Variants in CCDC178 observed in about 807,000 individuals in gnomAD.
CCDC178 encodes coiled-coil domain-containing protein 178.
In CCDC178, 126 loss-of-function variants were observed where a neutral mutation model predicts 117.4. The observed-to-expected ratio is 1.07, with a 90% confidence interval of 0.93 to 1.24. CCDC178 has a LOEUF of 1.24. Among genes scored for constraint, CCDC178 ranks in the 50% most tolerant of loss-of-function variants. The probability of loss-of-function intolerance (pLI) is 0.00; values close to 1 mark genes in which losing one functional copy is unlikely to be tolerated. For missense variants in CCDC178, 1,030 were observed against 986.9 expected (o/e 1.04, Z -0.59); for synonymous variants, 283 against 313.4 (o/e 0.90, Z 1.02).
At chr18:33,357,201 T>TA (rs1312844164) in intron 6 of CCDC178, among the ~76,000 whole-genome samples, 1 of 152,032 alleles carries the variant, frequency 6.6e-6, no homozygotes, top group Non-Finnish European at 1.5e-5. Flanking sequence ...CTAAAATGTA[T>TA]AAAATCAAGC....
At position 33,024,736 on chromosome 18, in the gene CCDC178, C is replaced by T. The variant is rs565176137; in HGVS notation, c.2389-50055G>A. ...TCGGCTCACTGCAAGCTCCACCTCC[C>T]GGGTTCACGCCATTCTCCTACCTCA... On this transcript the variant is annotated intron_variant, in intron 21 of 22. Coordinates refer to ENST00000383096, the MANE Select transcript of CCDC178 (RefSeq NM_001105528.4). 2.7e-4 allele frequency among the ~76,000 whole-genome samples: 41 copies of T among 151,880 alleles called. 1 individual carries two copies. In the East Asian group the frequency reaches 6.8e-3, roughly 25 times the overall value.
At chr18:33,117,226 G>A (rs771321889) in intron 20 of CCDC178, among the ~76,000 whole-genome samples, 6 of 152,120 alleles carry the variant, frequency 3.9e-5, no homozygotes, top group Non-Finnish European at 8.8e-5. Flanking sequence ...TAGAAATCAA[G>A]TGGGTAAGAT....
chr18:33,070,409 G>A (rs148087007), intron 21 of CCDC178, among the ~76,000 whole-genome samples: 2 of 152,168 alleles, frequency 1.3e-5, no homozygotes, highest in East Asian at 1.9e-4. Context: ...AATGAAATAA[G>A]CCAGGGATAA....
intron 21 of CCDC178, among the ~76,000 whole-genome samples, chr18:33,011,800 A>AAAAAAAAAAAAAAAAAAAAAAAC (rs2055876100): frequency 7.1e-6 from 1 of 139,866 alleles, no homozygotes; most frequent in Non-Finnish European, 1.5e-5. Flanking sequence ...AAAAAAAAAA[A>AAAAAAAAAAAAAAAAAAAAAAAC]AAAAAAAAGG....
At chr18:33,097,416 C>T (rs1437598144) in intron 20 of CCDC178, among the ~76,000 whole-genome samples, 2 of 152,132 alleles carry the variant, frequency 1.3e-5, no homozygotes, top group Non-Finnish European at 2.9e-5. Flanking sequence ...CAGAGACATG[C>T]CATCCCCGCT....
intron 9 of CCDC178, among the ~76,000 whole-genome samples, chr18:33,335,205 T>C (rs12960895): frequency 3.3e-5 from 5 of 152,194 alleles, no homozygotes; most frequent in South Asian, 4.1e-4. Flanking sequence ...TCTAAACTCA[T>C]ACACTTTGAT....
At chr18:33,207,117 A>G (rs916077022) in intron 20 of CCDC178, among the ~76,000 whole-genome samples, 2 of 152,112 alleles carry the variant, frequency 1.3e-5, no homozygotes, top group Non-Finnish European at 2.9e-5. Context: ...AAAATCTCAG[A>G]CCCTTCACAT....
At chr18:33,310,520 G>A (rs9947067) in intron 11 of CCDC178, among the ~76,000 whole-genome samples, 5 of 151,636 alleles carry the variant, frequency 3.3e-5, no homozygotes, top group African/African-American at 1.2e-4. Context: ...AAACCCCATC[G>A]CTACAAGAAA....
intron 12 of CCDC178, among the ~76,000 whole-genome samples, chr18:33,268,080 T>C (rs1489177667): frequency 6.6e-6 from 1 of 151,794 alleles, no homozygotes; most frequent in Non-Finnish European, 1.5e-5. Context: ...TAGACTATAA[T>C]GTGTGTTCTC....
chr18:33,076,626 T>C (rs139962268), intron 21 of CCDC178, among the ~76,000 whole-genome samples: 1 of 152,358 alleles, frequency 6.6e-6, no homozygotes, highest in African/African-American at 2.4e-5. Flanking sequence ...ATATTCTCTA[T>C]AATATTCTTT....
intron 4 of CCDC178, among the ~76,000 whole-genome samples, chr18:33,392,994 C>T (rs2063582245): frequency 6.6e-6 from 1 of 152,138 alleles, no homozygotes; most frequent in African/African-American, 2.4e-5. Context: ...GCCATTCTTG[C>T]CCCCATGGTA....
intron 21 of CCDC178, among the ~76,000 whole-genome samples, chr18:33,022,376 A>G (rs1351541424): frequency 3.3e-5 from 5 of 152,214 alleles, no homozygotes; most frequent in Non-Finnish European, 5.9e-5. Context: ...AGTTTTCTAA[A>G]TTATATTTGG....
intron 20 of CCDC178, among the ~76,000 whole-genome samples, chr18:33,121,820 T>C (rs554441059): frequency 2.0e-5 from 3 of 152,236 alleles, no homozygotes; most frequent in Admixed American, 2.0e-4. Context: ...TGTAATGATG[T>C]TTAGGTCAAT....
chr18:33,154,047 T>C (rs1298850400), intron 20 of CCDC178, among the ~76,000 whole-genome samples: 1 of 152,144 alleles, frequency 6.6e-6, no homozygotes, highest in Non-Finnish European at 1.5e-5. Flanking sequence ...TGTAATTTCA[T>C]AGAAAAACCT....
chr18:33,297,278 AG>A (rs1472686454), intron 11 of CCDC178, among the ~76,000 whole-genome samples: 1 of 152,116 alleles, frequency 6.6e-6, no homozygotes. Flanking sequence ...GCAAGGACCT[AG>A]AAAAGCAAGA....
chr18:33,063,659 C>T (rs1265741631), intron 21 of CCDC178, among the ~76,000 whole-genome samples: 1 of 152,136 alleles, frequency 6.6e-6, no homozygotes, highest in African/African-American at 2.4e-5. Context: ...ACCTTCTTGA[C>T]CCTTTGCTGC....
intron 20 of CCDC178, among the ~76,000 whole-genome samples, chr18:33,127,013 T>TAC (rs1458838101): frequency 6.9e-5 from 10 of 144,900 alleles, no homozygotes; most frequent in Non-Finnish European, 1.2e-4. Context: ...TATATATATA[T>TAC]ATACACACAC....
intron 21 of CCDC178, among the ~76,000 whole-genome samples, chr18:33,010,611 ACT>A (rs1204847298): frequency 3.9e-5 from 6 of 152,090 alleles, no homozygotes; most frequent in Non-Finnish European, 4.4e-5. Flanking sequence ...GAAATTAAAG[ACT>A]CTCTGTCAAA....
chr18:33,216,009 G>C (rs751746893), intron 18 of CCDC178, among the ~76,000 whole-genome samples: 1 of 151,846 alleles, frequency 6.6e-6, no homozygotes, highest in Non-Finnish European at 1.5e-5. Flanking sequence ...GAGGTGGGAG[G>C]ATCACTTTAG....
Sources: gnomAD v4.1 joint callset for allele counts (sites outside exome capture counted in the v4.1 genomes callset) on GRCh38, gnomAD v4.1.1 for gene constraint, MANE v1.5 for transcripts, NCBI Gene and HGNC (gene_info 2026-07-23, HGNC 2026-07-21) for gene names.